Variants in ABLIM1 observed in about 807,000 individuals in gnomAD.
ABLIM1 encodes actin binding LIM protein 1, also known as actin-binding LIM protein 1.
Under a neutral mutation model 107.0 loss-of-function variants are expected in ABLIM1, and 40 were observed. The observed-to-expected ratio is 0.37, with a 90% CI of 0.29 to 0.49. The LOEUF (loss-of-function observed/expected upper bound fraction) is 0.49. ABLIM1 is among the 20% of genes least tolerant of loss of function. The probability of loss-of-function intolerance (pLI) is 0.97; values close to 1 mark genes in which losing one functional copy is unlikely to be tolerated. For synonymous variants in ABLIM1, 357 were observed against 357.3 expected (o/e 1.00, Z 0.01); for missense variants, 857 against 1,008.5 (o/e 0.85, Z 2.04).
rs200083344 is a variant in ABLIM1 at position 114,436,348 on chromosome 10, C to A, written c.2249G>T (p.Arg750Leu). The A allele has an allele frequency of 6.8e-6, 11 of 1,613,474 alleles. No individual in the cohort carries two copies. The South Asian group carries it at 8.8e-5, about 13-fold the overall frequency. Residue 750 changes from arginine (R) to leucine (L), a missense_variant, in exon 23 of 23, where the codon CGG (arginine) becomes CTG (leucine). Arg to Leu is a moderately radical substitution (Grantham distance 102). Coordinates refer to ENST00000533213, the MANE Select transcript of ABLIM1 (RefSeq NM_002313.7). ...CTGTATGGACATTCCAAAGATTTCC[C>A]GAAACACTTCAGGGGCTAAGTGGCG... ...LERHLAPEVFREIFGMSIQEF... is the reference protein window; with the variant it reads ...LERHLAPEVFLEIFGMSIQEF...
At chr10:114,714,332 G>A (rs967460040) in intron 1 of ABLIM1, among the ~76,000 whole-genome samples, 8 of 152,176 alleles carry the variant, frequency 5.3e-5, no homozygotes, top group African/African-American at 1.9e-4. Context: ...ATTGAGAGCA[G>A]AGCACAGGTC....
intron 6 of ABLIM1, among the ~76,000 whole-genome samples, chr10:114,532,567 G>A (rs2065568951): frequency 1.3e-5 from 2 of 152,222 alleles, no homozygotes; most frequent in Admixed American, 1.3e-4. Context: ...CATTTTCCCT[G>A]AAGCACATGC....
intron 14 of ABLIM1, among the ~76,000 whole-genome samples, chr10:114,451,391 T>C (rs1239195503): frequency 2.0e-5 from 3 of 152,214 alleles, no homozygotes; most frequent in Non-Finnish European, 4.4e-5. Context: ...GAATGATACA[T>C]GGTTTGATGG....
chr10:114,684,161 C>A, intron 1 of ABLIM1: 1 of 889,914 alleles, frequency 1.1e-6, no homozygotes, highest in South Asian at 2.4e-5. Flanking sequence ...GTAAAACAAT[C>A]TTTTACTTAT....
intron 1 of ABLIM1, among the ~76,000 whole-genome samples, chr10:114,755,373 C>T (rs1047293633): frequency 6.6e-6 from 1 of 152,166 alleles, no homozygotes; most frequent in Non-Finnish European, 1.5e-5. Context: ...AGGTTGGGGA[C>T]TGATGTTCTA....
rs113170517 is a variant in ABLIM1 at position 114,437,995 on chromosome 10, C to T, written c.2143-71G>A. The T allele has an allele frequency of 6.1e-5, 85 of 1,398,534 alleles. No individual in the cohort carries two copies. In the African/African-American group the frequency reaches 8.4e-4, roughly 14 times the overall value. The allele number at this position is 1,398,534 out of a possible 1,614,324, so 86.6% of individuals were successfully genotyped here. On this transcript the variant is annotated intron_variant, in intron 21 of 22. Coordinates refer to ENST00000533213, the MANE Select transcript of ABLIM1 (RefSeq NM_002313.7). ...TATTAACAAGCAGAATCCACCTAAACGCTAGTACTCCCAAGATAGAGCTTC... is the reference window on the plus strand; with the variant it reads ...TATTAACAAGCAGAATCCACCTAAATGCTAGTACTCCCAAGATAGAGCTTC...
At chr10:114,631,752 G>C in intron 1 of ABLIM1, 7 of 757,626 alleles carry the variant, frequency 9.2e-6, no homozygotes, top group Non-Finnish European at 1.2e-5. Flanking sequence ...GTCTGGGTTC[G>C]ATGGAAACCC....
chr10:114,546,577 G>A (rs888496624), intron 5 of ABLIM1, among the ~76,000 whole-genome samples: 2 of 152,144 alleles, frequency 1.3e-5, no homozygotes, highest in African/African-American at 4.8e-5. Flanking sequence ...TTACAGGCAT[G>A]AGCCACCGCA....
chr10:114,450,750 T>G (rs1168919065), intron 14 of ABLIM1, among the ~76,000 whole-genome samples: 5 of 152,124 alleles, frequency 3.3e-5, no homozygotes, highest in Admixed American at 3.3e-4. Context: ...CCTCATGTTA[T>G]CCTAATTCTT....
At chr10:114,739,960 T>C (rs562825382) in intron 1 of ABLIM1, among the ~76,000 whole-genome samples, 2 of 152,248 alleles carry the variant, frequency 1.3e-5, no homozygotes, top group South Asian at 4.1e-4. Flanking sequence ...GCCTTGAGTA[T>C]ACTAGATGGA....
At chr10:114,601,284 G>T (rs562732502) in intron 2 of ABLIM1, among the ~76,000 whole-genome samples, 7 of 142,458 alleles carry the variant, frequency 4.9e-5, no homozygotes, top group Non-Finnish European at 9.1e-5. Flanking sequence ...TTTTTTTTAA[G>T]ACGGAGTCTC....
At chr10:114,704,345 T>A (rs2081377830) in intron 1 of ABLIM1, among the ~76,000 whole-genome samples, 1 of 133,060 alleles carries the variant, frequency 7.5e-6, no homozygotes, top group Non-Finnish European at 1.6e-5. Flanking sequence ...TTGCGCGCGT[T>A]ACATCTGTGA....
chr10:114,697,634 C>T (rs144703224), intron 1 of ABLIM1, among the ~76,000 whole-genome samples: 2 of 152,318 alleles, frequency 1.3e-5, no homozygotes, highest in East Asian at 3.9e-4. Context: ...GTATCCAAAT[C>T]ATGACACAAT....
intron 1 of ABLIM1, among the ~76,000 whole-genome samples, chr10:114,732,079 T>G (rs192925138): frequency 2.0e-3 from 289 of 143,718 alleles, no homozygotes; most frequent in African/African-American, 7.0e-3. Flanking sequence ...TATATTCTCA[T>G]CAACACTTGT....
chr10:114,678,446 C>T (rs1436272526), intron 1 of ABLIM1, among the ~76,000 whole-genome samples: 1 of 152,218 alleles, frequency 6.6e-6, no homozygotes, highest in Non-Finnish European at 1.5e-5. Context: ...TCTTCCACAG[C>T]TGACTCTTTC....
chr10:114,715,211 C>G (rs903353709), intron 1 of ABLIM1, among the ~76,000 whole-genome samples: 1 of 152,058 alleles, frequency 6.6e-6, no homozygotes. Flanking sequence ...GGCTAAGGGC[C>G]AAAGGAATTA....
chr10:114,748,415 C>T (rs924074896), intron 1 of ABLIM1, among the ~76,000 whole-genome samples: 1 of 152,084 alleles, frequency 6.6e-6, no homozygotes, highest in African/African-American at 2.4e-5. Context: ...CTGTCAGACA[C>T]ACAGAGCCTG....
At chr10:114,563,746 T>C (rs2070167763) in intron 4 of ABLIM1, among the ~76,000 whole-genome samples, 1 of 148,532 alleles carries the variant, frequency 6.7e-6, no homozygotes, top group Non-Finnish European at 1.5e-5. Flanking sequence ...CTTGGGAGGC[T>C]GATGTGGGAG....
chr10:114,637,648 G>A (rs775093548), intron 1 of ABLIM1, among the ~76,000 whole-genome samples: 2 of 151,994 alleles, frequency 1.3e-5, no homozygotes, highest in East Asian at 1.9e-4. Context: ...AAATTACTAC[G>A]GTATATTTAA....
Sources: gnomAD v4.1 joint callset for allele counts (sites outside exome capture counted in the v4.1 genomes callset) on GRCh38, gnomAD v4.1.1 for gene constraint, MANE v1.5 for transcripts, NCBI Gene and HGNC (gene_info 2026-07-23, HGNC 2026-07-21) for gene names.